Variants in BRWD1 observed in about 807,000 individuals in gnomAD.
BRWD1 encodes bromodomain and WD repeat-containing protein 1.
In BRWD1, 82 loss-of-function variants were observed where a neutral mutation model predicts 251.2. The ratio of observed to expected loss-of-function variants is 0.33; its 90% CI spans 0.27 to 0.39. The LOEUF (loss-of-function observed/expected upper bound fraction) is 0.39, where lower values mean the gene tolerates loss of function less well. Among genes scored for constraint, BRWD1 ranks in the 10% least tolerant of loss-of-function variants. The pLI is 1.00. For synonymous variants in BRWD1, 918 were observed against 902.8 expected (o/e 1.02, Z -0.30); for missense variants, 2,233 against 2,711.6 (o/e 0.82, Z 3.92).
Position 39,190,470 on chromosome 21 carries a change from GGT to G in BRWD1, c.*5787_*5788del. 1 of 985,246 alleles carries G rather than the reference GGT, an allele frequency of 1.0e-6. No individual in the cohort carries two copies. 61.0% of individuals were successfully genotyped at this position (985,246 alleles called of 1,614,324 possible). ...AAACTCCTAGAATCTTGACATTATTGGTTGCTGTGGTTGGTGGATAAATCAAA... is the reference window on the plus strand; with the variant it reads ...AAACTCCTAGAATCTTGACATTATTGTGCTGTGGTTGGTGGATAAATCAAA... On this transcript the variant is annotated 3_prime_UTR_variant, in exon 41 of 41. Transcript: ENST00000342449.
chr21:39,189,716 A>G lies in BRWD1; in HGVS notation c.*6543T>C. On this transcript the variant is annotated 3_prime_UTR_variant, in exon 41 of 41. Transcript: ENST00000342449. ...ATACATTCAAGTCAGTGTTAATTTT[A>G]TTACTGAAAACTGAGTAAATTATAA... The G allele has an allele frequency of 1.4e-5, 14 of 981,352 alleles. No individual in the cohort carries two copies. Among genetic ancestry groups the G allele is most frequent in the Non-Finnish European group, 1.7e-5 (14 of 826,208 alleles). The allele number at this position is 981,352 out of a possible 1,614,324, so 60.8% of individuals were successfully genotyped here.
At position 39,190,237 on chromosome 21, in the gene BRWD1, TTAA is replaced by T; in HGVS notation, c.*6019_*6021del. The T allele has an allele frequency of 1.0e-6, 1 of 980,578 alleles. No homozygotes were observed. 60.7% of individuals were successfully genotyped at this position (980,578 alleles called of 1,614,324 possible). On this transcript the variant is annotated 3_prime_UTR_variant, in exon 41 of 41. Transcript: ENST00000342449. ...AATCATATTCTAATTAGACTTTTTTTTAATTTTTAAGCTACCTTATTTACAGAT... is the reference window on the plus strand; with the variant it reads ...AATCATATTCTAATTAGACTTTTTTTTTTTTAAGCTACCTTATTTACAGAT...
At position 39,313,573 on chromosome 21, in the gene BRWD1, C is replaced by G; in HGVS notation, c.-82G>C. On this transcript the variant is annotated 5_prime_UTR_variant, in exon 1 of 41. Transcript: ENST00000342449. ...GCCGAGGCCTGACCGGGCTGGCGTC[C>G]CCTCTTCTCAGGCGCGCGCCGCCGC... 8.5e-7 allele frequency: 1 copy of G among 1,182,908 alleles called. No individual in the cohort carries two copies. The highest frequency in any genetic ancestry group is 1.1e-6 in the Non-Finnish European group (1 of 941,494). 73.3% of individuals were successfully genotyped at this position (1,182,908 alleles called of 1,614,324 possible). A position where few individuals can be genotyped will look rare whatever the true frequency, so the allele number is the denominator to read the frequency against.
chr21:39,186,432 A>T lies in BRWD1; in HGVS notation c.*9827T>A, dbSNP rs2031239273. ...CACTCTACTTCAGAACTCAATAATC[A>T]GTATCTCCAGCTGAAATTCCCAGGT... On this transcript the variant is annotated 3_prime_UTR_variant, in exon 41 of 41. Coordinates refer to ENST00000342449, the MANE Select transcript of BRWD1 (RefSeq NM_033656.4). 1 of 152,184 alleles carries T rather than the reference A, an allele frequency of 6.6e-6. No individual in the cohort carries two copies. Among genetic ancestry groups the T allele is most frequent in the South Asian group, 2.1e-4 (1 of 4,836 alleles). 9.4% of individuals were successfully genotyped at this position (152,184 alleles called of 1,614,324 possible). A position where few individuals can be genotyped will look rare whatever the true frequency, so the allele number is the denominator to read the frequency against.
Position 39,194,369 on chromosome 21 carries a change from G to A in BRWD1, c.*1890C>T. ...AGAGTTTAAATAAATTAATGGATTTGACATCTATCACCAGTTTTTAAAATT... is the reference window on the plus strand; with the variant it reads ...AGAGTTTAAATAAATTAATGGATTTAACATCTATCACCAGTTTTTAAAATT... On this transcript the variant is annotated 3_prime_UTR_variant, in exon 41 of 41. Transcript: ENST00000342449. The A allele has an allele frequency of 9.2e-7, 1 of 1,087,908 alleles. No individual in the cohort carries two copies. Among genetic ancestry groups the A allele is most frequent in the Non-Finnish European group, 1.1e-6 (1 of 895,686 alleles). 67.4% of individuals were successfully genotyped at this position (1,087,908 alleles called of 1,614,324 possible).
intron 23 of BRWD1, among the ~76,000 whole-genome samples, chr21:39,233,490 G>A (rs894094540): frequency 2.0e-5 from 3 of 151,914 alleles, no homozygotes; most frequent in African/African-American, 7.3e-5. Flanking sequence ...GAAGAGACAA[G>A]TATGAAGACA....
At chr21:39,210,209 C>T in intron 35 of BRWD1, 62 bp from the exon 36 acceptor site, 1 of 1,333,440 alleles carries the variant, frequency 7.5e-7, no homozygotes, top group Admixed American at 2.1e-5. Context: ...AATGTAAATG[C>T]ATCAGATCTC....
chr21:39,253,119 A>G (rs2034449188), intron 19 of BRWD1, among the ~76,000 whole-genome samples: 1 of 151,928 alleles, frequency 6.6e-6, no homozygotes, highest in Non-Finnish European at 1.5e-5. Context: ...GTGAAACCCC[A>G]TCTCTACTGA....
chr21:39,279,737 A>G (rs2035398572), intron 9 of BRWD1, among the ~76,000 whole-genome samples: 1 of 152,102 alleles, frequency 6.6e-6, no homozygotes, highest in African/African-American at 2.4e-5. Context: ...AATTTAAATT[A>G]TCAATTCAGT....
At chr21:39,284,734 AATGTCTACGCAGGTCTTTTGCC>A (rs1242516560) in intron 8 of BRWD1, among the ~76,000 whole-genome samples, 3 of 152,154 alleles carry the variant, frequency 2.0e-5, no homozygotes, top group Admixed American at 1.3e-4. Context: ...TCTTTTTAGA[AATGTCTACGCAGGTCTTTTGCC>A]CATTTTTTAA....
intron 19 of BRWD1, among the ~76,000 whole-genome samples, chr21:39,255,063 A>G (rs1485585239): frequency 6.6e-6 from 1 of 152,176 alleles, no homozygotes; most frequent in Non-Finnish European, 1.5e-5. Context: ...TACATCTAGA[A>G]TTTCTTTCAA....
At chr21:39,307,505 G>A (rs2036327688) in intron 4 of BRWD1, among the ~76,000 whole-genome samples, 2 of 152,052 alleles carry the variant, frequency 1.3e-5, no homozygotes, top group African/African-American at 4.8e-5. Flanking sequence ...ATATACTTGT[G>A]TGAATACATT....
At chr21:39,220,367 G>A (rs1601310452) in intron 29 of BRWD1, among the ~76,000 whole-genome samples, 1 of 152,348 alleles carries the variant, frequency 6.6e-6, no homozygotes, top group South Asian at 2.1e-4. Context: ...TAGAGCAGTG[G>A]ATACACTGCA....
At position 39,186,740 on chromosome 21, in the gene BRWD1, C is replaced by CA. The variant is rs1218540357; in HGVS notation, c.*9518dup. 3.9e-6 allele frequency: 1 copy of CA among 256,988 alleles called. No individual in the cohort carries two copies. Among genetic ancestry groups the CA allele is most frequent in the Non-Finnish European group, 7.2e-6 (1 of 138,438 alleles). 15.9% of individuals were successfully genotyped at this position (256,988 alleles called of 1,614,324 possible). ...TTCTTCCTCTAAGGAATCATGTCTTCAAGGCCTTGCATTCTGGAAAGGAAT... is the reference window on the plus strand; with the variant it reads ...TTCTTCCTCTAAGGAATCATGTCTTCAAAGGCCTTGCATTCTGGAAAGGAAT... On this transcript the variant is annotated 3_prime_UTR_variant, in exon 41 of 41. Transcript: ENST00000342449.
At chr21:39,251,595 A>G (rs903557586) in intron 19 of BRWD1, among the ~76,000 whole-genome samples, 1 of 152,198 alleles carries the variant, frequency 6.6e-6, no homozygotes, top group Non-Finnish European at 1.5e-5. Context: ...TGTAAGGATA[A>G]AAACTGATTT....
At chr21:39,226,755 C>A (rs180736460) in intron 27 of BRWD1, among the ~76,000 whole-genome samples, 110 of 152,292 alleles carry the variant, frequency 7.2e-4, no homozygotes, top group African/African-American at 2.6e-3. Context: ...GCCACACGCC[C>A]TGACAATCTT....
intron 23 of BRWD1, among the ~76,000 whole-genome samples, chr21:39,234,240 C>T (rs1354734707): frequency 6.6e-6 from 1 of 152,118 alleles, no homozygotes; most frequent in African/African-American, 2.4e-5. Flanking sequence ...CCTGAAGAAG[C>T]TTACAGTCTA....
rs569972701 is a variant in BRWD1, at chr21:39,246,687, A to G, written c.2481+1014T>C. Among the ~76,000 whole-genome samples the G allele has an allele frequency of 1.3e-3, 195 of 152,386 alleles. 1 individual carries two copies. Among genetic ancestry groups the G allele is most frequent in the African/African-American group, 4.1e-3 (171 of 41,590 alleles). On this transcript the variant is annotated intron_variant, in intron 21 of 40. Coordinates refer to ENST00000342449, the MANE Select transcript of BRWD1 (RefSeq NM_033656.4). ...AATTACTAGGCAATAAAAAGTAAAA[A>G]AAGAATGAAGTATTGATACATGCTA...
Position 39,195,619 on chromosome 21 carries a change from A to G in BRWD1, c.*640T>C. On this transcript the variant is annotated 3_prime_UTR_variant, in exon 41 of 41. Coordinates refer to ENST00000342449, the MANE Select transcript of BRWD1 (RefSeq NM_033656.4). ...TTTATAAATTCAAGTTTATAACATA[A>G]AAGTGACAACGTTTTCCTTAAGAAG... The G allele has an allele frequency of 1.0e-6, 1 of 984,346 alleles. No individual in the cohort carries two copies. Among genetic ancestry groups the G allele is most frequent in the Non-Finnish European group, 1.2e-6 (1 of 828,574 alleles). The allele number at this position is 984,346 out of a possible 1,614,324, so 61.0% of individuals were successfully genotyped here.
Sources: allele counts gnomAD v4.1 joint callset (sites outside exome capture counted in the v4.1 genomes callset), GRCh38; gene constraint gnomAD v4.1.1; transcripts MANE v1.5; gene names NCBI Gene and HGNC (gene_info 2026-07-23, HGNC 2026-07-21).